Variants in MOSMO observed in about 807,000 individuals in gnomAD.
The protein encoded by MOSMO is modulator of smoothened protein.
Under a neutral mutation model 18.4 loss-of-function variants are expected in MOSMO, and 5 were observed. The observed-to-expected ratio is 0.27, with a 90% CI of 0.14 to 0.57. MOSMO has a LOEUF of 0.57. Among genes scored for constraint, MOSMO ranks in the 20% least tolerant of loss-of-function variants. The pLI is 0.92. For missense variants in MOSMO, 138 were observed against 211.8 expected (o/e 0.65, Z 2.16); for synonymous variants, 82 against 82.3 (o/e 1.00, Z 0.02).
rs910807868 is a variant in MOSMO, at chr16:22,083,851, G to A, written c.*2971G>A. ...CAATTTATTAAAAGCAAACATTTCA[G>A]TATGATTCTTTCCAAAGGTAATCCA... On this transcript the variant is annotated 3_prime_UTR_variant, in exon 3 of 3. Transcript: ENST00000542527. 5.6e-6 allele frequency: 2 copies of A among 354,454 alleles called. No homozygotes were observed. The highest frequency in any genetic ancestry group is 8.7e-5 in the Admixed American group (2 of 23,008). 22.0% of individuals were successfully genotyped at this position (354,454 alleles called of 1,614,324 possible).
At chr16:22,038,294 G>A (rs555027654) in intron 1 of MOSMO, among the ~76,000 whole-genome samples, 366 of 152,314 alleles carry the variant, frequency 2.4e-3, no homozygotes, top group Non-Finnish European at 4.2e-3. Flanking sequence ...ACAGTGGGTT[G>A]CAAAATAACT....
chr16:22,067,559 G>A (rs1386088094), intron 1 of MOSMO, among the ~76,000 whole-genome samples: 1 of 152,158 alleles, frequency 6.6e-6, no homozygotes, highest in Non-Finnish European at 1.5e-5. Context: ...TGTTCAAAGT[G>A]CTGTATCACT....
At chr16:22,080,463 C>T (rs755635096) in intron 2 of MOSMO, among the ~76,000 whole-genome samples, 1 of 152,122 alleles carries the variant, frequency 6.6e-6, no homozygotes, top group Non-Finnish European at 1.5e-5. Context: ...TTTCTTAATC[C>T]TGATATTCAG....
intron 1 of MOSMO, among the ~76,000 whole-genome samples, chr16:22,057,745 T>A (rs1386446673): frequency 1.3e-5 from 2 of 151,946 alleles, no homozygotes; most frequent in Non-Finnish European, 1.5e-5. Context: ...AAGGGAGAAA[T>A]GTAGTTTTAA....
intron 2 of MOSMO, among the ~76,000 whole-genome samples, chr16:22,079,420 T>C (rs1250755165): frequency 6.6e-6 from 1 of 152,210 alleles, no homozygotes; most frequent in East Asian, 1.9e-4. Flanking sequence ...AATATTTTCT[T>C]GGAAAAGCTA....
chr16:22,077,153 T>G (rs1283570423), intron 2 of MOSMO, among the ~76,000 whole-genome samples: 2 of 152,202 alleles, frequency 1.3e-5, no homozygotes, highest in East Asian at 3.8e-4. Context: ...GGATTTAGTT[T>G]CTGGATTTAG....
intron 1 of MOSMO, among the ~76,000 whole-genome samples, chr16:22,009,618 G>A (rs1899475506): frequency 6.6e-6 from 1 of 151,914 alleles, no homozygotes; most frequent in Non-Finnish European, 1.5e-5. Context: ...TGCAGGTGAA[G>A]GAACTTTTGG....
At position 22,063,144 on chromosome 16, in the gene MOSMO, G is replaced by A. The variant is rs186192470; in HGVS notation, c.107-12343G>A. On this transcript the variant is annotated intron_variant, in intron 1 of 2. Coordinates refer to ENST00000542527, the MANE Select transcript of MOSMO (RefSeq NM_001164579.2). ...GCTGGGATTACAGGCGTGAGCCACC[G>A]CGCCTTTTTTGAGAGGCCAGATTTG... is the stretch of plus-strand genomic sequence containing the variant. Among the ~76,000 whole-genome samples the A allele has an allele frequency of 1.9e-3, 283 of 152,238 alleles. 1 individual carries two copies. Among genetic ancestry groups the A allele is most frequent in the South Asian group, 9.7e-3 (47 of 4,822 alleles).
At chr16:22,045,423 T>C (rs1900288330) in intron 1 of MOSMO, among the ~76,000 whole-genome samples, 1 of 152,188 alleles carries the variant, frequency 6.6e-6, no homozygotes, top group South Asian at 2.1e-4. Context: ...TATTGTGTTA[T>C]CAGTATTGGC....
chr16:22,070,621 C>T (rs931196134), intron 1 of MOSMO, among the ~76,000 whole-genome samples: 2 of 152,164 alleles, frequency 1.3e-5, no homozygotes, highest in African/African-American at 4.8e-5. Flanking sequence ...AGACACTGTC[C>T]ATGTGTGGCT....
At position 22,081,491 on chromosome 16, in the gene MOSMO, T is replaced by C. The variant is rs1349611131; in HGVS notation, c.*611T>C. 8.9e-4 allele frequency: 6 copies of C among 6,714 alleles called. No homozygotes were observed. The East Asian group carries it at 0.015, about 16-fold the overall frequency. 0.4% of individuals were successfully genotyped at this position (6,714 alleles called of 1,614,324 possible). Reference sequence around the variant, plus strand: ...AATTCTGAAATTCCCTCTCTCTGTGTACAAAAAAAAAAAAAAATCAAACAC... The same window carrying C: ...AATTCTGAAATTCCCTCTCTCTGTGCACAAAAAAAAAAAAAAATCAAACAC... On this transcript the variant is annotated 3_prime_UTR_variant, in exon 3 of 3. Coordinates refer to ENST00000542527, the MANE Select transcript of MOSMO (RefSeq NM_001164579.2).
intron 1 of MOSMO, among the ~76,000 whole-genome samples, chr16:22,010,092 A>G (rs1275750982): frequency 2.0e-5 from 3 of 152,184 alleles, no homozygotes; most frequent in Admixed American, 6.5e-5. Context: ...GCTCTTAGAA[A>G]AAAAGTGGTA....
At chr16:22,072,582 C>A (rs545360457) in intron 1 of MOSMO, among the ~76,000 whole-genome samples, 5 of 152,094 alleles carry the variant, frequency 3.3e-5, no homozygotes, top group African/African-American at 1.2e-4. Context: ...GAGGCCGAGA[C>A]GGGCGGATCA....
chr16:22,031,745 T>C (rs1483772021), intron 1 of MOSMO, among the ~76,000 whole-genome samples: 2 of 152,260 alleles, frequency 1.3e-5, no homozygotes, highest in African/African-American at 4.8e-5. Context: ...ATTTTATTTT[T>C]CCATTCATCA....
chr16:22,064,437 C>T (rs1567512580), intron 1 of MOSMO: 1 of 456,240 alleles, frequency 2.2e-6, no homozygotes, highest in East Asian at 6.9e-5. Flanking sequence ...TGGGAAGAAA[C>T]AGTAAGTATC....
downstream of MOSMO, chr16:22,085,975 A>G (rs574594970): frequency 6.6e-6 from 1 of 152,304 alleles, no homozygotes; most frequent in African/African-American, 2.4e-5. Context: ...GTGCTGGATG[A>G]AATGTCAAAG....
At chr16:22,041,920 G>A (rs1350176755) in intron 1 of MOSMO, among the ~76,000 whole-genome samples, 2 of 151,954 alleles carry the variant, frequency 1.3e-5, no homozygotes, top group East Asian at 1.9e-4. Context: ...TCCTGGCCTC[G>A]AGCGATCCTC....
chr16:22,041,593 G>C (rs1900210444), intron 1 of MOSMO, among the ~76,000 whole-genome samples: 1 of 152,096 alleles, frequency 6.6e-6, no homozygotes. Flanking sequence ...GATGAGAAGG[G>C]AATTTGATTT....
rs993904926 is a variant in MOSMO at position 22,012,600 on chromosome 16, C to T, written c.106+4193C>T. Among the ~76,000 whole-genome samples, 14 of 152,138 alleles carry T rather than the reference C, an allele frequency of 9.2e-5. No homozygotes were observed. In the East Asian group the frequency reaches 2.1e-3, roughly 23 times the overall value. On this transcript the variant is annotated intron_variant, in intron 1 of 2. Transcript: ENST00000542527. ...AAGGAAACATCAAGAATAATACAGC[C>T]ATGCTTAGAACAAGTTAAATATATG...
Sources: gnomAD v4.1 joint callset for allele counts (sites outside exome capture counted in the v4.1 genomes callset) on GRCh38, gnomAD v4.1.1 for gene constraint, MANE v1.5 for transcripts, NCBI Gene and HGNC (gene_info 2026-07-23, HGNC 2026-07-21) for gene names.